Variants in MYRF observed in about 807,000 individuals in gnomAD.
MYRF encodes the protein myelin gene regulatory factor.
MYRF carries 16 observed loss-of-function variants against 126.3 expected under a neutral mutation model. The ratio of observed to expected loss-of-function variants is 0.13; its 90% CI spans 0.09 to 0.19. MYRF has a LOEUF of 0.19. MYRF is among the 10% of genes least tolerant of loss of function. The pLI, the probability that MYRF is intolerant of heterozygous loss-of-function variation, is 1.00. For synonymous variants in MYRF, 608 were observed against 635.3 expected (o/e 0.96, Z 0.65); for missense variants, 1,104 against 1,547.0 (o/e 0.71, Z 4.80).
rs1008261219 is a variant in MYRF at position 61,757,279 on chromosome 11, G to A, written c.46+4489G>A. On this transcript the variant is annotated intron_variant, in intron 1 of 26. Coordinates refer to ENST00000278836, the MANE Select transcript of MYRF (RefSeq NM_001127392.3). This position sits in a 1 kb window ranked among gnomAD's most constrained non-coding sequence, Gnocchi z 4.7. The stretch of plus-strand genomic sequence containing the variant: ...TTCTGTGCATTCGCCAGCGAGGGCA[G>A]CTGGGGTCTGTTCCTAGCTCTCCTG... The A allele has an allele frequency of 2.2e-6, 1 of 456,558 alleles. No homozygotes were observed. The highest frequency in any genetic ancestry group is 4.4e-6 in the Non-Finnish European group (1 of 226,962). The allele number at this position is 456,558 out of a possible 1,614,324, so 28.3% of individuals were successfully genotyped here.
In MYRF at chr11:61,781,010, C is replaced by T. The variant is rs756889282; in HGVS notation, c.2537C>T (p.Thr846Met). The T allele has an allele frequency of 5.0e-6, 8 of 1,609,974 alleles. No individual in the cohort carries two copies. Among genetic ancestry groups the T allele is most frequent in the African/African-American group, 1.3e-5 (1 of 74,940 alleles). Residue 846 changes from threonine to methionine, a missense_variant, in exon 20 of 27, where the codon ACG (threonine) becomes ATG (methionine). This residue lies in a region of MYRF where 323 missense variants were observed against 383.1 expected (regional missense o/e 0.84). Transcript: ENST00000278836. ...CAGCTCCGACAGTCCCCCTTGACCA[C>T]GGGGCTACCAGGCATACAGCCCTCT... is the stretch of plus-strand genomic sequence containing the variant. ...TTQLRQSPLTTGLPGIQPSLL... is the reference protein window; with the variant it reads ...TTQLRQSPLTMGLPGIQPSLL...
At chr11:61,774,438 C>G (rs1028635301) in intron 8 of MYRF, among the ~76,000 whole-genome samples, 4 of 151,410 alleles carry the variant, frequency 2.6e-5, no homozygotes, top group Admixed American at 6.6e-5. Context: ...CAGGAAAATC[C>G]TTTGAACCCG....
chr11:61,752,863 G>A (rs920605241), intron 1 of MYRF, 73 bp downstream of exon 1: 22 of 1,370,938 alleles, frequency 1.6e-5, no homozygotes, highest in Non-Finnish European at 2.1e-5. Context: ...CGGGAACTGG[G>A]GCTCCTCGCT....
intron 19 of MYRF, 47 bp downstream of exon 19, chr11:61,780,839 T>C (rs2066522043): frequency 6.4e-7 from 1 of 1,559,210 alleles, no homozygotes; most frequent in African/African-American, 1.4e-5. Flanking sequence ...GCTGCCCCTC[T>C]TCCTGCCTCC....
At chr11:61,780,444 T>C (rs1428307422) in intron 18 of MYRF, among the ~76,000 whole-genome samples, 154 bp downstream of exon 18, 1 of 152,114 alleles carries the variant, frequency 6.6e-6, no homozygotes, top group Non-Finnish European at 1.5e-5. Flanking sequence ...GAGGGCCTCC[T>C]TGGAGGGTGG....
intron 25 of MYRF, chr11:61,784,868 C>T (rs115766899): frequency 0.011 from 1,745 of 155,196 alleles, 35 homozygotes; most frequent in African/African-American, 0.039. Context: ...GCCAGGTAAC[C>T]GGAAGTTATG....
In MYRF at chr11:61,770,404, A is replaced by G. The variant is rs773081116; in HGVS notation, c.619A>G (p.Met207Val). 12 of 1,548,092 alleles carry G rather than the reference A, an allele frequency of 7.8e-6. No homozygotes were observed. The African/African-American group carries it at 9.7e-5, about 12-fold the overall frequency. Reference protein sequence around the residue: ...HYPVLQRDLYMKAEPPIPHYA... With the variant: ...HYPVLQRDLYVKAEPPIPHYA... The stretch of plus-strand genomic sequence containing the variant: ...CCCTGTCCTGCAGCGGGATCTGTAC[A>G]TGAAGGCCGAGCCCCCGATCCCCCA... Residue 207 changes from methionine to valine, a missense_variant, in exon 5 of 27, where the codon ATG (methionine) becomes GTG (valine). This residue lies in a region of MYRF where 368 missense variants were observed against 403.9 expected (regional missense o/e 0.91). Transcript: ENST00000278836.
At chr11:61,767,530 C>G in intron 3 of MYRF, 1 of 425,424 alleles carries the variant, frequency 2.4e-6, no homozygotes, top group Non-Finnish European at 4.7e-6. Flanking sequence ...AGGTGATAAA[C>G]AAGACAGACA....
rs750561822 is a variant in MYRF at position 61,781,702 on chromosome 11, T to C, written c.2894T>C (p.Phe965Ser). Residue 965 changes from phenylalanine (F) to serine (S), a missense_variant, in exon 22 of 27, where the codon TTC becomes TCC. Physicochemically the swap from Phe to Ser is radical, Grantham distance 155 (BLOSUM62 -2). Around this residue, in one of 10 missense-constraint regions of MYRF, gnomAD observed 323 missense variants for 383.1 expected, o/e 0.84. Transcript: ENST00000278836. The stretch of plus-strand genomic sequence containing the variant: ...CCTCTGGCCAGCCCTGCAGTCCCCT[T>C]CCCTGGGGGGCAGGGCAAAGCCAAG... Reference protein sequence around the residue: ...LEPLASPAVPFPGGQGKAKNS... With the variant: ...LEPLASPAVPSPGGQGKAKNS... The C allele has an allele frequency of 1.9e-6, 3 of 1,613,536 alleles. No individual in the cohort carries two copies. Among genetic ancestry groups the C allele is most frequent in the Non-Finnish European group, 2.5e-6 (3 of 1,180,018 alleles).
intron 4 of MYRF, 62 bp from the exon 5 acceptor site, chr11:61,770,184 A>G: frequency 6.8e-7 from 1 of 1,464,708 alleles, no homozygotes. Flanking sequence ...CTTGGGGAGG[A>G]CAGTGCCCAG....
Position 61,783,751 on chromosome 11 carries a change from T to C in MYRF, c.3120-100T>C. On this transcript the variant is annotated intron_variant, in intron 23 of 26. Transcript: ENST00000278836. The surrounding 1 kb of genome is among the most constrained non-coding windows in gnomAD (Gnocchi z 4.6). ...CAGGCTACCCTTGGACACTGTCTCT[T>C]CTGGAGGGCTCCAGTACAGATTGGG... 1 of 1,388,000 alleles carries C rather than the reference T, an allele frequency of 7.2e-7. No homozygotes were observed. The highest frequency in any genetic ancestry group is 1.0e-6 in the Non-Finnish European group (1 of 1,001,400). 86.0% of individuals were successfully genotyped at this position (1,388,000 alleles called of 1,614,324 possible).
chr11:61,779,681 G>T, intron 16 of MYRF, 111 bp downstream of exon 16: 2 of 1,247,432 alleles, frequency 1.6e-6, no homozygotes, highest in South Asian at 1.6e-5. Flanking sequence ...CCCTCTCCTT[G>T]TGACTCTGTA....
chr11:61,771,501 C>T lies in MYRF; in HGVS notation c.742C>T (p.Leu248Phe). Residue 248 changes from leucine (L) to phenylalanine (F), a missense_variant and splice_region_variant, in exon 6 of 27, where the codon CTC becomes TTC. Physicochemically the swap from Leu to Phe is conservative, Grantham distance 22. Transcript: ENST00000278836. Reference sequence around the variant, plus strand: ...CGGCGCACACTTCTGTTTCCCCAGGCTCCCTACACACCCCTCCAAGAAGAG... The same window carrying T: ...CGGCGCACACTTCTGTTTCCCCAGGTTCCCTACACACCCCTCCAAGAAGAG... ...HQLLQQHGAELPTHPSKKRKH... is the reference protein window; with the variant it reads ...HQLLQQHGAEFPTHPSKKRKH... 1 of 1,611,036 alleles carries T rather than the reference C, an allele frequency of 6.2e-7. No individual in the cohort carries two copies. Among genetic ancestry groups the T allele is most frequent in the Non-Finnish European group, 8.5e-7 (1 of 1,177,972 alleles).
chr11:61,773,043 T>C (rs1389863079), intron 7 of MYRF, among the ~76,000 whole-genome samples: 2 of 150,134 alleles, frequency 1.3e-5, no homozygotes, highest in East Asian at 3.9e-4. Context: ...TCTTGCTCTG[T>C]TGCCCAGGCT....
chr11:61,783,517 A>G lies in MYRF; in HGVS notation c.3036A>G (p.Pro1012=), dbSNP rs757572461. 8.7e-6 allele frequency: 14 copies of G among 1,613,690 alleles called. No individual in the cohort carries two copies. The highest frequency in any genetic ancestry group is 2.7e-5 in the African/African-American group (2 of 74,928). Residue 1012 remains proline, a synonymous_variant, in exon 23 of 27, where the codon CCA becomes CCG. Coordinates refer to ENST00000278836, the MANE Select transcript of MYRF (RefSeq NM_001127392.3). This position sits in a 1 kb window ranked among gnomAD's most constrained non-coding sequence, Gnocchi z 4.6. ...CAACAGCCTCTCTCCTTGCAGAGCC[A>G]GTGCCCTCCCTGACCTCCATCCAGG... ...QGQSASLLAE[P]VPSLTSIQVL...
chr11:61,784,772 C>G (rs1368639465), intron 25 of MYRF: 1 of 184,966 alleles, frequency 5.4e-6, no homozygotes, highest in Non-Finnish European at 1.1e-5. Flanking sequence ...GGAAGTGGCA[C>G]AGCTAGATGT....
intron 1 of MYRF, among the ~76,000 whole-genome samples, chr11:61,763,601 C>T (rs1049663763): frequency 6.6e-6 from 1 of 152,232 alleles, no homozygotes; most frequent in African/African-American, 2.4e-5. Context: ...TGGTGGCTCA[C>T]GCCTGTAATC....
chr11:61,780,650 CTG>C (rs1565303690), intron 18 of MYRF, 60 bp from the exon 19 acceptor site: 14 of 1,490,744 alleles, frequency 9.4e-6, no homozygotes, highest in Admixed American at 2.0e-5. Flanking sequence ...CCACCTCTGA[CTG>C]TGTCTTCTCT....
Position 61,771,869 on chromosome 11 carries a change from G to A in MYRF, c.1032G>A (p.Leu344=), listed in dbSNP as rs2135793163. ...QDSDSLSGSY[L]DPNYQSIKWQ... ...GTGACAGCCTCAGTGGCTCCTACCT[G>A]GACCCCAACTACCAGTCCATCAAGT... The change falls in exon 7 of 27, where the codon CTG becomes CTA. Residue 344 remains leucine, a synonymous_variant. Transcript: ENST00000278836. 1 of 1,614,140 alleles carries A rather than the reference G, an allele frequency of 6.2e-7. No homozygotes were observed. The highest frequency in any genetic ancestry group is 1.6e-4 in the Middle Eastern group (1 of 6,062).
Sources: allele counts gnomAD v4.1 joint callset (sites outside exome capture counted in the v4.1 genomes callset), GRCh38; gene constraint gnomAD v4.1.1; regional missense constraint gnomAD v4.1.1; non-coding constraint Gnocchi (gnomAD v3.1); transcripts MANE v1.5; gene names NCBI Gene and HGNC (gene_info 2026-07-23, HGNC 2026-07-21).